COPS7B: variants seen among roughly 807,000 people sequenced by gnomAD.
COPS7B encodes COP9 signalosome complex subunit 7b.
A neutral mutation model predicts 33.4 loss-of-function variants in COPS7B; 9 were observed. The observed-to-expected ratio is 0.27, with a 90% CI of 0.16 to 0.47. The LOEUF (loss-of-function observed/expected upper bound fraction) is 0.47. Among genes scored for constraint, COPS7B ranks in the 20% least tolerant of loss-of-function variants. The pLI, the probability that COPS7B is intolerant of heterozygous loss-of-function variation, is 0.99. For missense variants in COPS7B, 242 were observed against 318.2 expected (o/e 0.76, Z 1.82); for synonymous variants, 119 against 126.3 (o/e 0.94, Z 0.39).
In COPS7B at chr2:231,807,589, A is replaced by T; in HGVS notation, c.739A>T (p.Arg247Trp). ...ERECPPHAEQRQPTKKMSKVK... is the reference protein window; with the variant it reads ...ERECPPHAEQWQPTKKMSKVK... ...GGAGTGTCCCCCTCACGCTGAGCAG[A>T]GGCAGCCCACCAAGAAGATGTCCAA... Residue 247 changes from arginine (R) to tryptophan (W), a missense_variant, in exon 7 of 7, where the codon AGG becomes TGG. By Grantham distance (101) the Arg-to-Trp change is moderately radical. Transcript: ENST00000350033. The T allele has an allele frequency of 1.3e-6, 2 of 1,596,834 alleles. No individual in the cohort carries two copies. Among genetic ancestry groups the T allele is most frequent in the Non-Finnish European group, 1.7e-6 (2 of 1,171,514 alleles).
At chr2:231,785,436 T>C (rs1216695277), upstream of COPS7B, among the ~76,000 whole-genome samples, 2 of 152,166 alleles carry the variant, frequency 1.3e-5, no homozygotes, top group Non-Finnish European at 1.5e-5. Context: ...ACTACCCCCC[T>C]TTTTTCCCCT....
chr2:231,798,790 A>T, intron 5 of COPS7B, 69 bp from the exon 6 acceptor site: 1 of 1,283,912 alleles, frequency 7.8e-7, no homozygotes. Context: ...GTTGGGGAAG[A>T]ATATTTCTGA....
At chr2:231,800,325 G>A (rs1386533422) in intron 6 of COPS7B, among the ~76,000 whole-genome samples, 1 of 152,220 alleles carries the variant, frequency 6.6e-6, no homozygotes, top group East Asian at 1.9e-4. Context: ...AATAAGCTGT[G>A]CAACAACCCT....
At chr2:231,801,244 A>T in intron 6 of COPS7B, 1 of 1,550,172 alleles carries the variant, frequency 6.5e-7, no homozygotes, top group Non-Finnish European at 8.7e-7. Context: ...TTCTTAATGA[A>T]GTCAGCCCTA....
chr2:231,786,026 T>C (rs887875769), upstream of COPS7B: 2 of 152,122 alleles, frequency 1.3e-5, no homozygotes, highest in Admixed American at 6.5e-5. Flanking sequence ...GCCACAGTTA[T>C]GAGAATTCAA....
intron 2 of COPS7B, 24 bp from the exon 3 acceptor site, chr2:231,791,709 G>A (rs539895683): frequency 1.9e-5 from 30 of 1,611,274 alleles, no homozygotes; most frequent in South Asian, 3.3e-5. Context: ...TTGGTCTGTG[G>A]TGAACTTTTT....
chr2:231,792,101 A>T, intron 3 of COPS7B: 1 of 592,426 alleles, frequency 1.7e-6, no homozygotes. Flanking sequence ...GAGTGCTGTG[A>T]AGTGCAGAAT....
At chr2:231,798,376 C>T (rs952528133) in intron 5 of COPS7B, among the ~76,000 whole-genome samples, 52 of 151,594 alleles carry the variant, frequency 3.4e-4, no homozygotes, top group African/African-American at 1.2e-3. Flanking sequence ...CCTGCCTCAG[C>T]CTCCCAAGTA....
chr2:231,784,051 C>G (rs1225030275), upstream of COPS7B, among the ~76,000 whole-genome samples: 20 of 143,886 alleles, frequency 1.4e-4, 1 homozygote, highest in Admixed American at 1.5e-3. Context: ...CAAAAAAGAG[C>G]AAGCTTGAGC....
At chr2:231,784,280 C>G (rs1362641600), upstream of COPS7B, among the ~76,000 whole-genome samples, 6 of 151,474 alleles carry the variant, frequency 4.0e-5, no homozygotes, top group Admixed American at 3.3e-4. Flanking sequence ...CAGGGAAGAC[C>G]AGCTTGAGCA....
intron 3 of COPS7B, chr2:231,792,163 C>T: frequency 2.1e-6 from 1 of 466,290 alleles, no homozygotes; most frequent in Middle Eastern, 3.3e-4. Flanking sequence ...ATAATACCAG[C>T]ATATTGAAGA....
rs181723802 is a variant in COPS7B, at chr2:231,805,673, T to C, written c.637-1814T>C. On this transcript the variant is annotated intron_variant, in intron 6 of 6. Coordinates refer to ENST00000350033, the MANE Select transcript of COPS7B (RefSeq NM_022730.4). ...TCTTTTTGTTGAGATAAGGTCTTAC[T>C]TGAATGTCATCTAGGCTGGAGTGCA... Among the ~76,000 whole-genome samples, 253 of 152,004 alleles carry C rather than the reference T, an allele frequency of 1.7e-3. 1 individual carries two copies. Among genetic ancestry groups the C allele is most frequent in the African/African-American group, 5.9e-3 (243 of 41,464 alleles).
chr2:231,785,066 C>T (rs540845929), upstream of COPS7B, among the ~76,000 whole-genome samples: 1 of 152,260 alleles, frequency 6.6e-6, no homozygotes, highest in Non-Finnish European at 1.5e-5. Flanking sequence ...CCACCTTGGC[C>T]TCCCAAAGTG....
intron 2 of COPS7B, 195 bp downstream of exon 2, chr2:231,788,927 G>A: frequency 2.0e-6 from 1 of 501,310 alleles, no homozygotes; most frequent in Non-Finnish European, 3.5e-6. Flanking sequence ...ATCTTACCTT[G>A]GGTAAAATTA....
chr2:231,802,825 T>G, intron 6 of COPS7B, among the ~76,000 whole-genome samples: 1 of 152,252 alleles, frequency 6.6e-6, no homozygotes, highest in African/African-American at 2.4e-5. Flanking sequence ...CTGTCAGTGC[T>G]TCAGAAGTCT....
Position 231,791,804 on chromosome 2 carries a change from C to T in COPS7B, c.234C>T (p.Tyr78=). 6.2e-7 allele frequency: 1 copy of T among 1,613,116 alleles called. No homozygotes were observed. Among genetic ancestry groups the T allele is most frequent in the Middle Eastern group, 1.6e-4 (1 of 6,062 alleles). ...TTGCCTATGGGACATACCCAGATTA[C>T]ATAGGTGAGTTGGTGAAGATCCTTC... is the stretch of plus-strand genomic sequence containing the variant. ...NLFAYGTYPD[Y]IANKESLPEL... Residue 78 remains tyrosine (Y), a synonymous_variant, in exon 3 of 7, where the codon TAC becomes TAT. Coordinates refer to ENST00000350033, the MANE Select transcript of COPS7B (RefSeq NM_022730.4).
At chr2:231,784,520 C>T (rs1406894870), upstream of COPS7B, among the ~76,000 whole-genome samples, 1 of 152,070 alleles carries the variant, frequency 6.6e-6, no homozygotes. Flanking sequence ...ATCCAAATTG[C>T]AGCCATGGAG....
chr2:231,786,323 CCGGAGGT>C (rs1483120679), upstream of COPS7B: 1 of 494,694 alleles, frequency 2.0e-6, no homozygotes, highest in Non-Finnish European at 2.6e-6. Flanking sequence ...CACTTCCCCA[CCGGAGGT>C]CGAAGGCTGT....
intron 6 of COPS7B, among the ~76,000 whole-genome samples, chr2:231,805,255 T>C (rs1294846506): frequency 6.6e-6 from 1 of 151,906 alleles, no homozygotes; most frequent in African/African-American, 2.4e-5. Flanking sequence ...GATCATTCAC[T>C]CACCACCTTG....
Sources: gnomAD v4.1 joint callset for allele counts (sites outside exome capture counted in the v4.1 genomes callset) on GRCh38, gnomAD v4.1.1 for gene constraint, MANE v1.5 for transcripts, NCBI Gene and HGNC (gene_info 2026-07-23, HGNC 2026-07-21) for gene names.